Variants in CNTN5 observed in about 807,000 individuals in gnomAD.
CNTN5 encodes contactin 5.
A neutral mutation model predicts 129.1 loss-of-function variants in CNTN5; 77 were observed. The observed-to-expected ratio is 0.60, with a 90% CI of 0.50 to 0.72. The LOEUF is 0.72. CNTN5 is among the 30% of genes least tolerant of loss of function. The probability of loss-of-function intolerance (pLI) is 0.00; values close to 1 mark genes in which losing one functional copy is unlikely to be tolerated. For missense variants in CNTN5, 1,478 were observed against 1,328.8 expected (o/e 1.11, Z -1.75); for synonymous variants, 509 against 465.6 (o/e 1.09, Z -1.20).
At chr11:99,938,996 A>G (rs1300760291) in intron 7 of CNTN5, among the ~76,000 whole-genome samples, 1 of 152,098 alleles carries the variant, frequency 6.6e-6, no homozygotes, top group African/African-American at 2.4e-5. Flanking sequence ...ACTCTTTGTA[A>G]ACACTGAAAC....
Position 99,386,054 on chromosome 11 carries a change from C to T in CNTN5, c.-71+60570C>T, listed in dbSNP as rs1910711. ...AGAAATCTCTGAAGACAAAGATCAA[C>T]GGCATATACTGATCTACTCAAGCCC... On this transcript the variant is annotated intron_variant, in intron 2 of 24. Transcript: ENST00000524871. Among the ~76,000 whole-genome samples, 1,362 of 152,250 alleles carry T rather than the reference C, an allele frequency of 8.9e-3. 57 individuals carry two copies. The highest frequency in any genetic ancestry group is 0.071 in the Admixed American group (1,078 of 15,284).
rs530904784 is a variant in CNTN5 at position 99,683,119 on chromosome 11, C to T, written c.55+126850C>T. Among the ~76,000 whole-genome samples the T allele has an allele frequency of 1.3e-3, 198 of 151,848 alleles. 3 individuals carry two copies. In the South Asian group the frequency reaches 0.04, roughly 31 times the overall value. On this transcript the variant is annotated intron_variant, in intron 3 of 24. Coordinates refer to ENST00000524871, the MANE Select transcript of CNTN5 (RefSeq NM_014361.4). ...TATGACTACATGACTAGTATTTTTA[C>T]TTCTACAGTAGTATATTTTGATAAT...
At chr11:99,426,274 C>T (rs1454032948) in intron 2 of CNTN5, among the ~76,000 whole-genome samples, 1 of 152,070 alleles carries the variant, frequency 6.6e-6, no homozygotes, top group Non-Finnish European at 1.5e-5. Flanking sequence ...GTTTAAAACA[C>T]TTGATATCAC....
intron 1 of CNTN5, among the ~76,000 whole-genome samples, chr11:99,196,777 G>A (rs1979340): frequency 0.25 from 37,378 of 151,206 alleles, 4,683 homozygotes; most frequent in African/African-American, 0.28. Context: ...CCTTTAAAAA[G>A]AAAAACAAAA....
chr11:99,911,768 G>A (rs1028477556), intron 6 of CNTN5, among the ~76,000 whole-genome samples: 1 of 151,178 alleles, frequency 6.6e-6, no homozygotes, highest in Non-Finnish European at 1.5e-5. Context: ...ATAACTTTCT[G>A]AGTAGTTTGC....
intron 2 of CNTN5, among the ~76,000 whole-genome samples, chr11:99,436,638 C>G (rs1281507689): frequency 6.6e-6 from 1 of 152,168 alleles, no homozygotes; most frequent in Non-Finnish European, 1.5e-5. Flanking sequence ...ACTTTACTAT[C>G]ACCTCCAGAT....
chr11:100,189,127 C>T (rs1451683200), intron 13 of CNTN5, among the ~76,000 whole-genome samples: 1 of 152,078 alleles, frequency 6.6e-6, no homozygotes, highest in Non-Finnish European at 1.5e-5. Flanking sequence ...CTATTGGGTA[C>T]TGTGCTCTAC....
intron 9 of CNTN5, among the ~76,000 whole-genome samples, chr11:100,027,679 A>C (rs1042494212): frequency 6.6e-6 from 1 of 152,130 alleles, no homozygotes; most frequent in African/African-American, 2.4e-5. Flanking sequence ...TGTGAATTCT[A>C]GTTGCTTTAG....
intron 1 of CNTN5, among the ~76,000 whole-genome samples, chr11:99,029,654 G>A (rs1863268605): frequency 1.3e-5 from 2 of 152,064 alleles, no homozygotes; most frequent in African/African-American, 4.8e-5. Flanking sequence ...CAGAAAGAAT[G>A]CTTTTAATGC....
chr11:99,514,745 C>T (rs954928041), intron 2 of CNTN5, among the ~76,000 whole-genome samples: 8 of 152,012 alleles, frequency 5.3e-5, no homozygotes, highest in Non-Finnish European at 1.0e-4. Context: ...ATAAAAATAA[C>T]TTTTATTGCA....
At position 99,616,900 on chromosome 11, in the gene CNTN5, C is replaced by A. The variant is rs552866481; in HGVS notation, c.55+60631C>A. On this transcript the variant is annotated intron_variant, in intron 3 of 24. Coordinates refer to ENST00000524871, the MANE Select transcript of CNTN5 (RefSeq NM_014361.4). ...CCGAGGCGGGTCGATGACCTGAGGT[C>A]AGGAGTTCGAGACCAGCCTGGCCAA... 2.4e-3 allele frequency among the ~76,000 whole-genome samples: 358 copies of A among 152,330 alleles called. 3 individuals are homozygous for A. Among genetic ancestry groups the A allele is most frequent in the African/African-American group, 8.3e-3 (344 of 41,580 alleles).
intron 8 of CNTN5, among the ~76,000 whole-genome samples, chr11:99,993,771 C>T (rs1463001880): frequency 6.6e-6 from 1 of 152,102 alleles, no homozygotes; most frequent in Non-Finnish European, 1.5e-5. Flanking sequence ...TCAACTTTAG[C>T]TGTAACACAA....
chr11:99,189,573 C>T (rs927094907), intron 1 of CNTN5, among the ~76,000 whole-genome samples: 1 of 151,474 alleles, frequency 6.6e-6, no homozygotes, highest in African/African-American at 2.4e-5. Flanking sequence ...TTAATAATTG[C>T]CATTCTGTTG....
intron 7 of CNTN5, among the ~76,000 whole-genome samples, chr11:99,917,400 CA>C (rs1239219660): frequency 6.6e-6 from 1 of 151,874 alleles, no homozygotes; most frequent in African/African-American, 2.4e-5. Flanking sequence ...ATGGATAAGA[CA>C]AAAATTTTTA....
At chr11:99,772,693 T>A (rs937624345) in intron 3 of CNTN5, among the ~76,000 whole-genome samples, 30 of 152,232 alleles carry the variant, frequency 2.0e-4, no homozygotes, top group African/African-American at 7.0e-4. Context: ...CATAATACAT[T>A]TTAAATAATA....
At chr11:99,397,224 G>T (rs906380848) in intron 2 of CNTN5, among the ~76,000 whole-genome samples, 6 of 151,742 alleles carry the variant, frequency 4.0e-5, no homozygotes, top group African/African-American at 1.2e-4. Context: ...AAGAGTAAGG[G>T]TTACAGATTT....
intron 1 of CNTN5, among the ~76,000 whole-genome samples, chr11:99,172,776 C>T: frequency 6.6e-6 from 1 of 152,328 alleles, no homozygotes; most frequent in East Asian, 1.9e-4. Flanking sequence ...TTAGAAGTGA[C>T]ACTTGAGCCA....
intron 13 of CNTN5, among the ~76,000 whole-genome samples, chr11:100,082,213 G>C (rs917982880): frequency 1.3e-5 from 2 of 152,156 alleles, no homozygotes; most frequent in Admixed American, 1.3e-4. Context: ...GGCAACGCAA[G>C]TAAATATAGT....
chr11:99,242,190 C>G (rs561311002), intron 1 of CNTN5, among the ~76,000 whole-genome samples: 1 of 151,968 alleles, frequency 6.6e-6, no homozygotes, highest in Non-Finnish European at 1.5e-5. Flanking sequence ...AAATAAATCA[C>G]CTGGAGTGTG....
Sources: gnomAD v4.1 joint callset for allele counts (sites outside exome capture counted in the v4.1 genomes callset) on GRCh38, gnomAD v4.1.1 for gene constraint, MANE v1.5 for transcripts, NCBI Gene and HGNC (gene_info 2026-07-23, HGNC 2026-07-21) for gene names.